The following PKP4 variants were observed in gnomAD, a reference collection of about 807,000 sequenced individuals.
The protein encoded by PKP4 is plakophilin-4.
PKP4 carries 90 observed loss-of-function variants against 145.1 expected under a neutral mutation model. The observed-to-expected ratio is 0.62, with a 90% CI of 0.52 to 0.74. The LOEUF (loss-of-function observed/expected upper bound fraction) is 0.74. Among genes scored for constraint, PKP4 ranks in the 30% least tolerant of loss-of-function variants. The probability of loss-of-function intolerance (pLI) is 0.00; values close to 1 mark genes in which losing one functional copy is unlikely to be tolerated. For synonymous variants in PKP4, 563 were observed against 577.2 expected, an observed-to-expected ratio of 0.98 and a Z score of 0.35; for missense variants, 1,340 against 1,482.7, an observed-to-expected ratio of 0.90 and a Z score of 1.58.
At position 158,505,402 on chromosome 2, in the gene PKP4, A is replaced by G. The variant is rs1334485094; in HGVS notation, c.-5-27778A>G. 2.3e-5 allele frequency among the ~76,000 whole-genome samples: 3 copies of G among 128,696 alleles called. No individual in the cohort carries two copies. The Admixed American group carries it at 2.6e-4, about 11-fold the overall frequency. 84.4% of individuals were successfully genotyped at this position (128,696 alleles called of 152,430 possible). On this transcript the variant is annotated intron_variant, in intron 1 of 21. Coordinates refer to ENST00000389759, the MANE Select transcript of PKP4 (RefSeq NM_003628.6). ...ATCAGGAAAGCCAAAGACAACCACT[A>G]AGGAGCTCTTGGAGCTTAGGGGAAA...
chr2:158,457,685 C>T (rs1689023790), intron 1 of PKP4: 1 of 152,644 alleles, frequency 6.6e-6, no homozygotes, highest in South Asian at 2.1e-4. Context: ...GGCTGTCTGT[C>T]CTTCTAGCCC....
chr2:158,495,613 GAC>G lies in PKP4; in HGVS notation c.-5-37566_-5-37565del, dbSNP rs1695584072. Reference sequence around the variant, plus strand: ...CACTTTGGGAGGCCAAGGAGGTCCTGACTTGAGGTCAGGAGTTCAAGACCAGC... The same window carrying G: ...CACTTTGGGAGGCCAAGGAGGTCCTGTTGAGGTCAGGAGTTCAAGACCAGC... On this transcript the variant is annotated intron_variant, in intron 1 of 21. Transcript: ENST00000389759. Among the ~76,000 whole-genome samples, 5 of 151,862 alleles carry G rather than the reference GAC, an allele frequency of 3.3e-5. No individual in the cohort carries two copies. In the South Asian group the frequency reaches 1.0e-3, roughly 32 times the overall value.
At chr2:158,481,534 A>G (rs943005189) in intron 1 of PKP4, among the ~76,000 whole-genome samples, 6 of 152,180 alleles carry the variant, frequency 3.9e-5, no homozygotes, top group African/African-American at 1.4e-4. Flanking sequence ...CCACTCCTCC[A>G]CATTCTCACC....
At chr2:158,511,112 C>T (rs1380850027) in intron 1 of PKP4, among the ~76,000 whole-genome samples, 2 of 152,168 alleles carry the variant, frequency 1.3e-5, no homozygotes, top group African/African-American at 2.4e-5. Context: ...AGGGGCTGAG[C>T]GCGGTGGCTC....
chr2:158,574,478 C>T (rs1161966208), intron 2 of PKP4, among the ~76,000 whole-genome samples: 2 of 152,170 alleles, frequency 1.3e-5, no homozygotes, highest in Non-Finnish European at 2.9e-5. Context: ...TTTCATATGA[C>T]AGCATAATAC....
At chr2:158,653,942 A>G (rs888462128) in intron 11 of PKP4, among the ~76,000 whole-genome samples, 5 of 152,230 alleles carry the variant, frequency 3.3e-5, no homozygotes, top group East Asian at 1.9e-4. Context: ...TGGAGAGAAC[A>G]TTGTTTTAGT....
intron 3 of PKP4, among the ~76,000 whole-genome samples, chr2:158,578,459 T>C (rs140251605): frequency 6.6e-6 from 1 of 151,874 alleles, no homozygotes; most frequent in Admixed American, 6.6e-5. Context: ...AATAATAAAT[T>C]AGAAATTTCT....
chr2:158,528,187 C>T (rs998640247), intron 1 of PKP4, among the ~76,000 whole-genome samples: 18 of 143,800 alleles, frequency 1.3e-4, no homozygotes, highest in East Asian at 2.0e-4. Flanking sequence ...CACATGCACA[C>T]GTATGTTTAT....
intron 4 of PKP4, among the ~76,000 whole-genome samples, chr2:158,610,432 G>C (rs186913159): frequency 2.7e-4 from 41 of 152,308 alleles, no homozygotes; most frequent in African/African-American, 9.1e-4. Context: ...TAGGTAAAGG[G>C]TGATGAAAGT....
intron 1 of PKP4, among the ~76,000 whole-genome samples, chr2:158,508,875 CAT>C (rs2041248604): frequency 6.6e-6 from 1 of 152,150 alleles, no homozygotes; most frequent in Non-Finnish European, 1.5e-5. Context: ...AGTCATCTAA[CAT>C]GTGTTCTCTT....
At chr2:158,650,626 C>G (rs1193628242) in intron 11 of PKP4, among the ~76,000 whole-genome samples, 1 of 152,200 alleles carries the variant, frequency 6.6e-6, no homozygotes, top group Non-Finnish European at 1.5e-5. Flanking sequence ...GCCTCTGTGA[C>G]CAGCCCAGTT....
At chr2:158,566,417 A>G (rs1368971368) in intron 2 of PKP4, among the ~76,000 whole-genome samples, 1 of 152,090 alleles carries the variant, frequency 6.6e-6, no homozygotes, top group African/African-American at 2.4e-5. Context: ...TGTGTAGTCA[A>G]TTAACCCCCA....
In PKP4 at chr2:158,543,390, A is replaced by G. The variant is rs372834359; in HGVS notation, c.132+10074A>G. Among the ~76,000 whole-genome samples the G allele has an allele frequency of 5.3e-5, 8 of 152,296 alleles. No homozygotes were observed. In the South Asian group the frequency reaches 1.0e-3, roughly 20 times the overall value. ...AGGAGAAGGGACCAAAGAACAAGAA[A>G]TGGAAAACACAAGATCAAAATTAGG... is the stretch of plus-strand genomic sequence containing the variant. On this transcript the variant is annotated intron_variant, in intron 2 of 21. Transcript: ENST00000389759.
intron 4 of PKP4, among the ~76,000 whole-genome samples, chr2:158,611,870 A>G (rs1292197778): frequency 2.0e-5 from 3 of 152,170 alleles, no homozygotes; most frequent in African/African-American, 7.2e-5. Context: ...GTAGAGTACA[A>G]GTTTCTCTCC....
rs1391682250 is a variant in PKP4 at position 158,677,278 on chromosome 2, C to A, written c.3256+411C>A. 5 of 253,608 alleles carry A rather than the reference C, an allele frequency of 2.0e-5. No homozygotes were observed. In the East Asian group the frequency reaches 4.2e-4, roughly 21 times the overall value. 15.7% of individuals were successfully genotyped at this position (253,608 alleles called of 1,614,324 possible). Reference sequence around the variant, plus strand: ...TCTAGACTGGCTCATCTCTTAAATTCAAACCAGAGAATGGAGATCAATTTC... The same window carrying A: ...TCTAGACTGGCTCATCTCTTAAATTAAAACCAGAGAATGGAGATCAATTTC... On this transcript the variant is annotated intron_variant, in intron 20 of 21. Transcript: ENST00000389759.
chr2:158,505,296 C>T (rs1479130474), intron 1 of PKP4, among the ~76,000 whole-genome samples: 1 of 152,066 alleles, frequency 6.6e-6, no homozygotes, highest in Non-Finnish European at 1.5e-5. Context: ...AGCTCAGGGA[C>T]CCAGAATAAA....
intron 1 of PKP4, among the ~76,000 whole-genome samples, chr2:158,511,243 G>A (rs1166908165): frequency 2.0e-5 from 3 of 152,142 alleles, no homozygotes; most frequent in Non-Finnish European, 4.4e-5. Context: ...AAAATTAGCT[G>A]GGCGTGGTGG....
chr2:158,470,584 A>G (rs1354193143), intron 1 of PKP4, among the ~76,000 whole-genome samples: 4 of 152,242 alleles, frequency 2.6e-5, no homozygotes, highest in Non-Finnish European at 5.9e-5. Flanking sequence ...CCCATCAGAG[A>G]GTTGAAATAT....
chr2:158,642,980 C>T (rs2054448186), intron 11 of PKP4, among the ~76,000 whole-genome samples: 2 of 152,122 alleles, frequency 1.3e-5, no homozygotes, highest in African/African-American at 4.8e-5. Flanking sequence ...ACATTTTTTA[C>T]ATGTATTTCA....
Sources: allele counts gnomAD v4.1 joint callset (sites outside exome capture counted in the v4.1 genomes callset), GRCh38; gene constraint gnomAD v4.1.1; transcripts MANE v1.5; gene names NCBI Gene and HGNC (gene_info 2026-07-23, HGNC 2026-07-21).